The following TBC1D16 variants were observed in gnomAD, a reference collection of about 807,000 sequenced individuals.
TBC1D16 encodes the protein CTD-2529O21.1.
A neutral mutation model predicts 74.7 loss-of-function variants in TBC1D16; 58 were observed. The observed-to-expected ratio is 0.78, with a 90% CI of 0.63 to 0.97. The LOEUF (loss-of-function observed/expected upper bound fraction) is 0.97. TBC1D16 is among the 50% of genes least tolerant of loss of function. The probability of loss-of-function intolerance (pLI) is 0.00; values close to 1 mark genes in which losing one functional copy is unlikely to be tolerated. For synonymous variants in TBC1D16, 493 were observed against 474.7 expected (o/e 1.04, Z -0.50); for missense variants, 1,014 against 1,079.5 (o/e 0.94, Z 0.85).
chr17:80,004,366 A>G (rs2144619531), intron 3 of TBC1D16, among the ~76,000 whole-genome samples: 1 of 152,368 alleles, frequency 6.6e-6, no homozygotes, highest in African/African-American at 2.4e-5. Context: ...GCAACACTGC[A>G]TGGACCATTT....
rs1380304019 is a variant in TBC1D16, at chr17:79,950,211, G to T, written c.1257+200C>A. ...ACCCTCGAGGGAGGTGTTGTGTTTTGTTTTTTTTTTTCAACGCAGCAGCTT... is the reference window on the plus strand; with the variant it reads ...ACCCTCGAGGGAGGTGTTGTGTTTTTTTTTTTTTTTTCAACGCAGCAGCTT... On this transcript the variant is annotated intron_variant, in intron 6 of 11. Coordinates refer to ENST00000310924, the MANE Select transcript of TBC1D16 (RefSeq NM_019020.4). The surrounding 1 kb of genome is among the most constrained non-coding windows in gnomAD (Gnocchi z 4.6). 1.1e-4 allele frequency among the ~76,000 whole-genome samples: 16 copies of T among 146,180 alleles called. No homozygotes were observed. Among genetic ancestry groups the T allele is most frequent in the East Asian group, 4.0e-4 (2 of 5,042 alleles).
At chr17:80,012,097 C>T (rs1220599391) in intron 2 of TBC1D16, among the ~76,000 whole-genome samples, 1 of 152,120 alleles carries the variant, frequency 6.6e-6, no homozygotes, top group Non-Finnish European at 1.5e-5. Context: ...CTGGGCCTCC[C>T]CCACCCACTC....
chr17:80,012,054 C>T (rs1189428540), intron 2 of TBC1D16, among the ~76,000 whole-genome samples: 1 of 152,028 alleles, frequency 6.6e-6, no homozygotes, highest in Admixed American at 6.6e-5. Flanking sequence ...ATTTCCTAAC[C>T]CAGCACCACG....
intron 1 of TBC1D16, among the ~76,000 whole-genome samples, chr17:80,032,729 C>T (rs1212027782): frequency 6.6e-6 from 1 of 152,192 alleles, no homozygotes; most frequent in Non-Finnish European, 1.5e-5. Context: ...CAATATAATG[C>T]AAATGCAATA....
rs1366088717 is a variant in TBC1D16, at chr17:79,935,201, G to A, written c.*5658C>T. ...TTTCCAGGCACTGGGGTGGGAGCGA[G>A]GCTCCCAGTTGCTCAGAGTTAACCG... On this transcript the variant is annotated 3_prime_UTR_variant, in exon 12 of 12. Coordinates refer to ENST00000310924, the MANE Select transcript of TBC1D16 (RefSeq NM_019020.4). 2 of 152,280 alleles carry A rather than the reference G, an allele frequency of 1.3e-5. No individual in the cohort carries two copies. Among genetic ancestry groups the A allele is most frequent in the African/African-American group, 4.8e-5 (2 of 41,468 alleles). The allele number at this position is 152,280 out of a possible 1,614,324, so 9.4% of individuals were successfully genotyped here. A position where few individuals can be genotyped will look rare whatever the true frequency, so the allele number is the denominator to read the frequency against.
chr17:79,984,580 GAA>G (rs1259387996), intron 3 of TBC1D16, among the ~76,000 whole-genome samples: 8 of 124,232 alleles, frequency 6.4e-5, no homozygotes, highest in African/African-American at 1.8e-4. Flanking sequence ...GAGAAAGAAA[GAA>G]AAAGAAAGAA....
rs745860030 is a variant in TBC1D16 at position 79,950,553 on chromosome 17, A to T, written c.1115T>A (p.Met372Lys). 6 of 1,613,080 alleles carry T rather than the reference A, an allele frequency of 3.7e-6. No individual in the cohort carries two copies. The East Asian group carries it at 1.3e-4, about 36-fold the overall frequency. Reference protein sequence around the residue: ...DQQVAPDKTCMQFSIRRPKLP... With the variant: ...DQQVAPDKTCKQFSIRRPKLP... ...CTTGGGGCGGCGGATGGAGAACTGC[A>T]TGCATGTCTTATCGGGGGCGACCTG... The change falls in exon 6 of 12, where the codon ATG (methionine) becomes AAG (lysine). Residue 372 changes from methionine to lysine, a missense_variant. Coordinates refer to ENST00000310924, the MANE Select transcript of TBC1D16 (RefSeq NM_019020.4). This position sits in a 1 kb window ranked among gnomAD's most constrained non-coding sequence, Gnocchi z 4.6.
chr17:79,952,117 C>G (rs531544784), intron 4 of TBC1D16: 2 of 155,054 alleles, frequency 1.3e-5, no homozygotes, highest in Non-Finnish European at 2.9e-5. Flanking sequence ...GGTCTGGGAA[C>G]CCCCCCAGCT....
intron 1 of TBC1D16, among the ~76,000 whole-genome samples, chr17:80,017,471 C>T (rs1232957438): frequency 1.3e-5 from 2 of 152,116 alleles, no homozygotes; most frequent in African/African-American, 2.4e-5. Flanking sequence ...CACCTGAGGT[C>T]GGGAGCTCGA....
At chr17:79,943,798 C>T (rs984989955) in intron 10 of TBC1D16, 25 of 1,276,208 alleles carry the variant, frequency 2.0e-5, no homozygotes, top group South Asian at 1.2e-4. Context: ...CCGGGCCACG[C>T]GCTGAGTTCA....
At position 79,979,213 on chromosome 17, in the gene TBC1D16, G is replaced by A. The variant is rs749727392; in HGVS notation, c.780-26395C>T. On this transcript the variant is annotated intron_variant, in intron 3 of 11. Coordinates refer to ENST00000310924, the MANE Select transcript of TBC1D16 (RefSeq NM_019020.4). The surrounding 1 kb of genome is among the most constrained non-coding windows in gnomAD (Gnocchi z 4.8). ...GGGCAGGGAAGGCCAGAGCACACAC[G>A]CTCCGGGGACGCACACCCACGCCTA... is the stretch of plus-strand genomic sequence containing the variant. Among the ~76,000 whole-genome samples, 7 of 151,960 alleles carry A rather than the reference G, an allele frequency of 4.6e-5. No homozygotes were observed. Among genetic ancestry groups the A allele is most frequent in the African/African-American group, 7.3e-5 (3 of 41,362 alleles).
Position 79,971,886 on chromosome 17 carries a change from G to C in TBC1D16, c.780-19068C>G, listed in dbSNP as rs1349683161. Among the ~76,000 whole-genome samples the C allele has an allele frequency of 6.6e-6, 1 of 152,146 alleles. No individual in the cohort carries two copies. Among genetic ancestry groups the C allele is most frequent in the East Asian group, 1.9e-4 (1 of 5,188 alleles). Reference sequence around the variant, plus strand: ...AGGTGGCATGGGGGCTGGCTGTGGGGGTCTTTGTGGGGAAGAAAGAGCCTG... The same window carrying C: ...AGGTGGCATGGGGGCTGGCTGTGGGCGTCTTTGTGGGGAAGAAAGAGCCTG... On this transcript the variant is annotated intron_variant, in intron 3 of 11. Coordinates refer to ENST00000310924, the MANE Select transcript of TBC1D16 (RefSeq NM_019020.4). The surrounding 1 kb of genome is among the most constrained non-coding windows in gnomAD (Gnocchi z 4.6).
At chr17:79,982,686 C>A (rs2034636205) in intron 3 of TBC1D16, among the ~76,000 whole-genome samples, 1 of 150,610 alleles carries the variant, frequency 6.6e-6, no homozygotes. Context: ...AACTCCGCAT[C>A]TACTAAAAAA....
chr17:79,942,953 C>T (rs896043139), intron 10 of TBC1D16, among the ~76,000 whole-genome samples: 1 of 152,276 alleles, frequency 6.6e-6, no homozygotes, highest in African/African-American at 2.4e-5. Context: ...CTGACGGCTG[C>T]ATCCTGTGTG....
intron 1 of TBC1D16, among the ~76,000 whole-genome samples, chr17:80,019,719 G>A (rs529158474): frequency 8.0e-5 from 12 of 149,574 alleles, no homozygotes; most frequent in Admixed American, 3.3e-4. Context: ...GGAAGAATAC[G>A]TGTCCCTTAA....
In TBC1D16 at chr17:80,035,602, C is replaced by T. The variant is rs962003441; in HGVS notation, c.-63+193G>A. Among the ~76,000 whole-genome samples, 3 of 151,754 alleles carry T rather than the reference C, an allele frequency of 2.0e-5. No individual in the cohort carries two copies. Among genetic ancestry groups the T allele is most frequent in the Non-Finnish European group, 4.4e-5 (3 of 67,884 alleles). On this transcript the variant is annotated intron_variant, in intron 1 of 11. Transcript: ENST00000310924. The surrounding 1 kb of genome is among the most constrained non-coding windows in gnomAD (Gnocchi z 5.3). ...GATCCAGGTCCTCCCACAACGCTCCCGCTCCTGCTGGCGCCCCGCACCCCG... is the reference window on the plus strand; with the variant it reads ...GATCCAGGTCCTCCCACAACGCTCCTGCTCCTGCTGGCGCCCCGCACCCCG...
chr17:79,950,714 C>A lies in TBC1D16; in HGVS notation c.1090-136G>T. On this transcript the variant is annotated intron_variant, in intron 5 of 11. Transcript: ENST00000310924. This position sits in a 1 kb window ranked among gnomAD's most constrained non-coding sequence, Gnocchi z 4.6. ...AGGGCCGTCCCCTGCATACAAACCC[C>A]TAAATGGCGAGTGTAATTAGGCGCA... is the stretch of plus-strand genomic sequence containing the variant. The A allele has an allele frequency of 6.5e-7, 1 of 1,541,554 alleles. No individual in the cohort carries two copies. The highest frequency in any genetic ancestry group is 8.7e-7 in the Non-Finnish European group (1 of 1,144,570).
chr17:79,951,675 G>C, intron 4 of TBC1D16, 78 bp from the exon 5 acceptor site: 1 of 1,527,858 alleles, frequency 6.5e-7, no homozygotes, highest in South Asian at 1.2e-5. Context: ...AGTATAATCA[G>C]AGGCCACTGT....
chr17:79,970,238 A>G (rs1011319443), intron 3 of TBC1D16, among the ~76,000 whole-genome samples: 1 of 152,198 alleles, frequency 6.6e-6, no homozygotes, highest in Non-Finnish European at 1.5e-5. Context: ...AGGTAAATCC[A>G]TAGAGACAGA....
Sources: gnomAD v4.1 joint callset for allele counts (sites outside exome capture counted in the v4.1 genomes callset) on GRCh38, gnomAD v4.1.1 for gene constraint, Gnocchi (gnomAD v3.1) non-coding constraint, MANE v1.5 for transcripts, NCBI Gene and HGNC (gene_info 2026-07-23, HGNC 2026-07-21) for gene names.